The following ZNF121 variants were observed in gnomAD, a reference collection of about 807,000 sequenced individuals.
ZNF121 encodes the protein zinc finger protein 121 (clone ZHC32).
A neutral mutation model predicts 2.4 loss-of-function variants in ZNF121; 1 was observed. The observed-to-expected ratio is 0.41, with a 90% CI of 0.15 to 1.94. The LOEUF (loss-of-function observed/expected upper bound fraction) is 1.94, where lower values mean the gene tolerates loss of function less well. Among genes scored for constraint, ZNF121 ranks in the 30% most tolerant of loss-of-function variants. The pLI is 0.30. For synonymous variants in ZNF121, 173 were observed against 158.6 expected (o/e 1.09, Z -0.68); for missense variants, 369 against 466.3 (o/e 0.79, Z 1.92).
intron 1 of ZNF121, among the ~76,000 whole-genome samples, chr19:9,580,217 G>A (rs1353565669): frequency 2.0e-5 from 3 of 151,948 alleles, no homozygotes. Context: ...GCGTGAACTC[G>A]GGAGGCAGAG....
intron 1 of ZNF121, among the ~76,000 whole-genome samples, chr19:9,575,646 G>C (rs976157822): frequency 6.6e-6 from 1 of 151,850 alleles, no homozygotes; most frequent in Admixed American, 6.6e-5. Context: ...ACGAGGCTGA[G>C]GCAGGAGAAT....
chr19:9,582,748 C>CA (rs78215890), intron 1 of ZNF121, among the ~76,000 whole-genome samples: 1,548 of 51,942 alleles, frequency 0.03, 19 homozygotes, highest in South Asian at 0.059. Context: ...GACTCTGTCT[C>CA]AAAAAAAAAA....
intron 1 of ZNF121, 165 bp downstream of exon 1, chr19:9,584,296 C>T (rs1287043532): frequency 1.3e-5 from 2 of 152,272 alleles, no homozygotes; most frequent in African/African-American, 2.4e-5. Context: ...TGACTGGGAC[C>T]CACTGAGCCT....
rs1201324438 is a variant in ZNF121 at position 9,562,188 on chromosome 19, G to T, written c.*3752C>A. On this transcript the variant is annotated 3_prime_UTR_variant, in exon 4 of 4. Coordinates refer to ENST00000320451, the MANE Select transcript of ZNF121 (RefSeq NM_001008727.5). ...TTTTTTTTTTTTTTTTTTTTGAGAA[G>T]GAATCTCACTCTGTCACCTGGGCTG... The T allele has an allele frequency of 7.8e-6, 1 of 127,958 alleles. No individual in the cohort carries two copies. The highest frequency in any genetic ancestry group is 8.9e-5 in the Admixed American group (1 of 11,228). 7.9% of individuals were successfully genotyped at this position (127,958 alleles called of 1,614,324 possible).
At chr19:9,583,437 T>C (rs2074262514) in intron 1 of ZNF121, among the ~76,000 whole-genome samples, 1 of 146,728 alleles carries the variant, frequency 6.8e-6, no homozygotes, top group Non-Finnish European at 1.5e-5. Flanking sequence ...GCAATCCTCC[T>C]GCCTCAGCCT....
chr19:9,574,027 C>CT lies in ZNF121; in HGVS notation c.-159-4946dup, dbSNP rs60923401. Among the ~76,000 whole-genome samples, 781 of 139,944 alleles carry CT rather than the reference C, an allele frequency of 5.6e-3. 9 individuals carry two copies. The highest frequency in any genetic ancestry group is 9.1e-3 in the East Asian group (43 of 4,712). The allele number at this position is 139,944 out of a possible 152,430, so 91.8% of individuals were successfully genotyped here. ...ATGCCTGGCTAATTTTTCTTTCTTT[C>CT]TTTTTTTTTTTTTTTTGTAGAGACG... On this transcript the variant is annotated intron_variant, in intron 1 of 3. Transcript: ENST00000320451.
Position 9,565,407 on chromosome 19 carries a change from C to A in ZNF121, c.*533G>T, listed in dbSNP as rs938919706. 7.3e-5 allele frequency: 10 copies of A among 137,294 alleles called. No individual in the cohort carries two copies. Among genetic ancestry groups the A allele is most frequent in the African/African-American group, 2.7e-4 (10 of 37,580 alleles). 8.5% of individuals were successfully genotyped at this position (137,294 alleles called of 1,614,324 possible). A position where few individuals can be genotyped will look rare whatever the true frequency, so the allele number is the denominator to read the frequency against. On this transcript the variant is annotated 3_prime_UTR_variant, in exon 4 of 4. Coordinates refer to ENST00000320451, the MANE Select transcript of ZNF121 (RefSeq NM_001008727.5). ...AAAAAAGGCCAGGAGCAGTGGCTCA[C>A]TCCTATAATCCCAGCACTTTGGGAG...
rs1259200004 is a variant in ZNF121 at position 9,560,676 on chromosome 19, T to C, written c.*5264A>G. 2 of 152,388 alleles carry C rather than the reference T, an allele frequency of 1.3e-5. No individual in the cohort carries two copies. The highest frequency in any genetic ancestry group is 2.1e-4 in the South Asian group (1 of 4,832). The allele number at this position is 152,388 out of a possible 1,614,324, so 9.4% of individuals were successfully genotyped here. A position where few individuals can be genotyped will look rare whatever the true frequency, so the allele number is the denominator to read the frequency against. On this transcript the variant is annotated 3_prime_UTR_variant, in exon 4 of 4. Coordinates refer to ENST00000320451, the MANE Select transcript of ZNF121 (RefSeq NM_001008727.5). ...ATTTTGTTTTTAAGGCTAAATGATA[T>C]TGCATTGTATGTATATAATGCATTT...
intron 1 of ZNF121, among the ~76,000 whole-genome samples, chr19:9,574,740 G>A (rs1379416736): frequency 6.6e-6 from 1 of 152,196 alleles, no homozygotes; most frequent in Non-Finnish European, 1.5e-5. Context: ...AATAGGAACA[G>A]GCTATGACCT....
rs2074122329 is a variant in ZNF121 at position 9,565,351 on chromosome 19, T to TAA, written c.*588_*589insTT. Reference sequence around the variant, plus strand: ...AAAAGAATGTGTATTAACAACGACTTACAAAAAAAAAAAAAAAAAAAAAAA... The same window carrying TAA: ...AAAAGAATGTGTATTAACAACGACTTAAACAAAAAAAAAAAAAAAAAAAAAAA... On this transcript the variant is annotated 3_prime_UTR_variant, in exon 4 of 4. Coordinates refer to ENST00000320451, the MANE Select transcript of ZNF121 (RefSeq NM_001008727.5). 1 of 37,378 alleles carries TAA rather than the reference T, an allele frequency of 2.7e-5. No individual in the cohort carries two copies. The allele number at this position is 37,378 out of a possible 1,614,324, so 2.3% of individuals were successfully genotyped here.
At position 9,577,876 on chromosome 19, in the gene ZNF121, G is replaced by A. The variant is rs141580526; in HGVS notation, c.-160+6585C>T. Among the ~76,000 whole-genome samples the A allele has an allele frequency of 2.5e-3, 373 of 151,618 alleles. 1 individual carries two copies. Among genetic ancestry groups the A allele is most frequent in the African/African-American group, 8.7e-3 (360 of 41,354 alleles). On this transcript the variant is annotated intron_variant, in intron 1 of 3. Coordinates refer to ENST00000320451, the MANE Select transcript of ZNF121 (RefSeq NM_001008727.5). ...AGCCTGGCCAACATGATGAAACCCC[G>A]TCTCTACTAAAAATACAAAAATTAG...
At chr19:9,574,674 G>A (rs2074198248) in intron 1 of ZNF121, among the ~76,000 whole-genome samples, 1 of 152,234 alleles carries the variant, frequency 6.6e-6, no homozygotes, top group Non-Finnish European at 1.5e-5. Context: ...GAGAAGAAAG[G>A]AAGGAGGAAG....
chr19:9,566,680 C>G lies in ZNF121; in HGVS notation c.433G>C (p.Glu145Gln), dbSNP rs758313862. The change falls in exon 4 of 4, where the codon GAA (glutamate) becomes CAA (glutamine). Residue 145 changes from glutamate (E) to glutamine (Q), a missense_variant. Physicochemically the swap from Glu to Gln is conservative, Grantham distance 29 (BLOSUM62 2). Coordinates refer to ENST00000320451, the MANE Select transcript of ZNF121 (RefSeq NM_001008727.5). ...VKMHTVEKPYECKECGKFFRY... is the reference protein window; with the variant it reads ...VKMHTVEKPYQCKECGKFFRY... ...AAGAATTTTCCACATTCCTTACATT[C>G]GTAGGGTTTTTCTACAGTATGCATT... 7 of 1,614,138 alleles carry G rather than the reference C, an allele frequency of 4.3e-6. No homozygotes were observed. In the South Asian group the frequency reaches 7.7e-5, roughly 18 times the overall value.
chr19:9,581,952 ACT>A (rs2074250918), intron 1 of ZNF121, among the ~76,000 whole-genome samples: 1 of 152,136 alleles, frequency 6.6e-6, no homozygotes, highest in Non-Finnish European at 1.5e-5. Context: ...CTCAATTTAC[ACT>A]CAAATTGTTC....
chr19:9,567,423 G>T (rs2074141564), intron 3 of ZNF121, among the ~76,000 whole-genome samples: 1 of 152,066 alleles, frequency 6.6e-6, no homozygotes, highest in African/African-American at 2.4e-5. Flanking sequence ...TAGGATTAAG[G>T]TATCCCCAAA....
At chr19:9,576,330 C>CAAAA (rs200367568) in intron 1 of ZNF121, among the ~76,000 whole-genome samples, 15 of 138,844 alleles carry the variant, frequency 1.1e-4, no homozygotes, top group African/African-American at 3.9e-4. Flanking sequence ...CCTGTCCCTT[C>CAAAA]AAAAAAAAAA....
Position 9,564,013 on chromosome 19 carries a change from C to G in ZNF121, c.*1927G>C, listed in dbSNP as rs946686273. 1.3e-5 allele frequency: 2 copies of G among 152,282 alleles called. No individual in the cohort carries two copies. The highest frequency in any genetic ancestry group is 3.9e-4 in the East Asian group (2 of 5,188). The allele number at this position is 152,282 out of a possible 1,614,324, so 9.4% of individuals were successfully genotyped here. ...GATTGGCGTTTTCATGTCTGCTAAC[C>G]GCAGCCCATGGATTCTGGAATAATT... On this transcript the variant is annotated 3_prime_UTR_variant, in exon 4 of 4. Coordinates refer to ENST00000320451, the MANE Select transcript of ZNF121 (RefSeq NM_001008727.5).
intron 1 of ZNF121, among the ~76,000 whole-genome samples, chr19:9,571,077 T>C (rs1041225770): frequency 2.6e-5 from 4 of 152,272 alleles, no homozygotes; most frequent in South Asian, 4.1e-4. Flanking sequence ...ATGAAATAGA[T>C]AAGCAGTTAA....
intron 1 of ZNF121, among the ~76,000 whole-genome samples, chr19:9,580,747 G>A (rs151270193): frequency 1.3e-5 from 2 of 152,290 alleles, no homozygotes; most frequent in Non-Finnish European, 2.9e-5. Flanking sequence ...CATGTTAAAT[G>A]GCATCCTATT....
Sources: gnomAD v4.1 joint callset for allele counts (sites outside exome capture counted in the v4.1 genomes callset) on GRCh38, gnomAD v4.1.1 for gene constraint, MANE v1.5 for transcripts, NCBI Gene and HGNC (gene_info 2026-07-23, HGNC 2026-07-21) for gene names.